The following P3H4 variants were observed in gnomAD, a reference collection of about 807,000 sequenced individuals.
P3H4 encodes prolyl 3-hydroxylase family member 4 (inactive), also known as endoplasmic reticulum protein SC65.
P3H4 carries 47 observed loss-of-function variants against 52.9 expected under a neutral mutation model. The ratio of observed to expected loss-of-function variants is 0.89; its 90% CI spans 0.70 to 1.13. The LOEUF is 1.13. Among genes scored for constraint, P3H4 ranks in the 50% most tolerant of loss-of-function variants. The pLI is 0.00. For missense variants in P3H4, 585 were observed against 611.0 expected (o/e 0.96, Z 0.45); for synonymous variants, 256 against 267.9 (o/e 0.96, Z 0.44).
Position 41,803,354 on chromosome 17 carries a change from G to T in P3H4, c.1224C>A (p.Asp408Glu). The T allele has an allele frequency of 6.2e-7, 1 of 1,614,048 alleles. No homozygotes were observed. The highest frequency in any genetic ancestry group is 8.5e-7 in the Non-Finnish European group (1 of 1,179,988). The change falls in exon 7 of 8, where the codon GAC becomes GAA. Residue 408 changes from aspartate to glutamate, a missense_variant. By Grantham distance (45) the Asp-to-Glu change is conservative. Coordinates refer to ENST00000393928, the MANE Select transcript of P3H4 (RefSeq NM_006455.3). The stretch of plus-strand genomic sequence containing the variant: ...AGTCAGCATACATGCCCTCCTCGTA[G>T]TCACCCTCCCCCTCAAACTCGGCGT... ...LSDAEFEGEG[D>E]YEEGMYADWW...
chr17:41,811,430 C>T lies in P3H4; in HGVS notation c.462+24G>A. ...CCACGACGCCCAGCCCGAGACAGGT[C>T]CCCGGGTGGGGGCGGGCTCCCACCT... On this transcript the variant is annotated intron_variant, in intron 1 of 7. Transcript: ENST00000393928. This position sits in a 1 kb window ranked among gnomAD's most constrained non-coding sequence, Gnocchi z 4.8. The T allele has an allele frequency of 6.2e-7, 1 of 1,610,600 alleles. No individual in the cohort carries two copies. The highest frequency in any genetic ancestry group is 8.5e-7 in the Non-Finnish European group (1 of 1,178,552).
intron 3 of P3H4, 170 bp downstream of exon 3, chr17:41,810,693 T>A: frequency 1.4e-6 from 1 of 735,280 alleles, no homozygotes; most frequent in East Asian, 2.7e-5. Context: ...TCCAGCCCCT[T>A]GGACACTCCC....
Position 41,802,859 on chromosome 17 carries a change from A to C in P3H4, c.*98T>G, listed in dbSNP as rs546609027. The C allele has an allele frequency of 1.3e-5, 17 of 1,335,518 alleles. No individual in the cohort carries two copies. The Middle Eastern group carries it at 5.5e-4, about 43-fold the overall frequency. The allele number at this position is 1,335,518 out of a possible 1,614,324, so 82.7% of individuals were successfully genotyped here. A position where few individuals can be genotyped will look rare whatever the true frequency, so the allele number is the denominator to read the frequency against. On this transcript the variant is annotated 3_prime_UTR_variant, in exon 8 of 8. Coordinates refer to ENST00000393928, the MANE Select transcript of P3H4 (RefSeq NM_006455.3). ...GAGCCACCGCACCTGGCCCATCTTAAGTTTTTAATAAATAGTTCTTGCTGC... is the reference window on the plus strand; with the variant it reads ...GAGCCACCGCACCTGGCCCATCTTACGTTTTTAATAAATAGTTCTTGCTGC...
chr17:41,811,346 G>A lies in P3H4; in HGVS notation c.463-62C>T, dbSNP rs2047734293. 15 of 1,606,564 alleles carry A rather than the reference G, an allele frequency of 9.3e-6. No individual in the cohort carries two copies. Among genetic ancestry groups the A allele is most frequent in the Middle Eastern group, 1.7e-4 (1 of 5,892 alleles). ...AAGACCGGAGCTCGCGGCCCCGAGCGCACGGCGGGCTTCGTGCCTTGGGTG... is the reference window on the plus strand; with the variant it reads ...AAGACCGGAGCTCGCGGCCCCGAGCACACGGCGGGCTTCGTGCCTTGGGTG... On this transcript the variant is annotated intron_variant, in intron 1 of 7. Transcript: ENST00000393928. The surrounding 1 kb of genome is among the most constrained non-coding windows in gnomAD (Gnocchi z 4.8).
At chr17:41,807,033 C>T in intron 5 of P3H4, 154 bp from the exon 6 acceptor site, 2 of 615,976 alleles carry the variant, frequency 3.2e-6, no homozygotes, top group South Asian at 1.9e-5. Flanking sequence ...ATCATCGTGG[C>T]TGCTTGGAAC....
chr17:41,802,821 G>T lies in P3H4; in HGVS notation c.*136C>A. On this transcript the variant is annotated 3_prime_UTR_variant, in exon 8 of 8. Transcript: ENST00000393928. ...CCCACCTTGGCCTCCCAAAATGCTG[G>T]GATTACAGGTGTGAGCCACCGCACC... The T allele has an allele frequency of 1.1e-6, 1 of 889,490 alleles. No homozygotes were observed. 55.1% of individuals were successfully genotyped at this position (889,490 alleles called of 1,614,324 possible).
At chr17:41,808,908 C>T (rs1235727417) in intron 4 of P3H4, among the ~76,000 whole-genome samples, 2 of 152,148 alleles carry the variant, frequency 1.3e-5, no homozygotes, top group Non-Finnish European at 2.9e-5. Flanking sequence ...TTGGCATCTC[C>T]GAGCTGCAGG....
At position 41,811,569 on chromosome 17, in the gene P3H4, A is replaced by T; in HGVS notation, c.347T>A (p.Leu116Gln). The T allele has an allele frequency of 6.2e-7, 1 of 1,604,766 alleles. No homozygotes were observed. Residue 116 changes from leucine to glutamine, a missense_variant, in exon 1 of 8, where the codon CTG becomes CAG. Leu to Gln is a moderately radical substitution (Grantham distance 113). Coordinates refer to ENST00000393928, the MANE Select transcript of P3H4 (RefSeq NM_006455.3). The surrounding 1 kb of genome is among the most constrained non-coding windows in gnomAD (Gnocchi z 4.8). ...FGRVLERAAC[L>Q]RRCKRTLPAF... Reference sequence around the variant, plus strand: ...GGGCAGCGTCCGCTTGCAGCGCCGCAGGCAGGCGGCTCGCTCCAGGACGCG... The same window carrying T: ...GGGCAGCGTCCGCTTGCAGCGCCGCTGGCAGGCGGCTCGCTCCAGGACGCG...
chr17:41,807,832 G>GCT, intron 5 of P3H4, 27 bp downstream of exon 5: 1 of 1,604,640 alleles, frequency 6.2e-7, no homozygotes, highest in Non-Finnish European at 8.5e-7. Context: ...TGCATATCCA[G>GCT]CAAGTGCCCC....
At chr17:41,809,669 C>G in intron 4 of P3H4, 37 bp downstream of exon 4, 2 of 1,605,274 alleles carry the variant, frequency 1.2e-6, no homozygotes, top group African/African-American at 2.7e-5. Flanking sequence ...CTTATCACCT[C>G]GTCCCCTGCC....
Position 41,811,517 on chromosome 17 carries a change from C to T in P3H4, c.399G>A (p.Arg133=). Residue 133 remains arginine (R), a synonymous_variant, in exon 1 of 8, where the codon CGG becomes CGA. Transcript: ENST00000393928. The surrounding 1 kb of genome is among the most constrained non-coding windows in gnomAD (Gnocchi z 4.8). ...GGCTCTGGAAGTCACGCAGCAGCTG[C>T]CGCGGCGGGTAGGGCACCTGGAAGG... ...LPAFQVPYPP[R]QLLRDFQSRL... The T allele has an allele frequency of 6.2e-7, 1 of 1,611,766 alleles. No individual in the cohort carries two copies. Among genetic ancestry groups the T allele is most frequent in the Non-Finnish European group, 8.5e-7 (1 of 1,179,596 alleles).
intron 4 of P3H4, 62 bp from the exon 5 acceptor site, chr17:41,808,066 T>C (rs560398861): frequency 6.4e-7 from 1 of 1,562,590 alleles, no homozygotes; most frequent in South Asian, 1.2e-5. Flanking sequence ...AACTCCATCT[T>C]CCAGTTCAGT....
rs1555613749 is a variant in P3H4 at position 41,803,330 on chromosome 17, G to C, written c.1248C>G (p.Asp416Glu). Residue 416 changes from aspartate to glutamate, a missense_variant, in exon 7 of 8, where the codon GAC (aspartate) becomes GAG (glutamate). Asp to Glu is a conservative substitution (Grantham distance 45, BLOSUM62 2). Coordinates refer to ENST00000393928, the MANE Select transcript of P3H4 (RefSeq NM_006455.3). ...CCTTGGCATCCGGCTCCTGCCACCA[G>C]TCAGCATACATGCCCTCCTCGTAGT... ...EGDYEEGMYA[D>E]WWQEPDAKGD... The C allele has an allele frequency of 6.2e-7, 1 of 1,614,026 alleles. No homozygotes were observed. The highest frequency in any genetic ancestry group is 8.5e-7 in the Non-Finnish European group (1 of 1,179,978).
At chr17:41,810,589 C>T in intron 3 of P3H4, 2 of 447,758 alleles carry the variant, frequency 4.5e-6, no homozygotes, top group Admixed American at 7.5e-5. Flanking sequence ...CTTCTCACCG[C>T]TGCACCTTTG....
chr17:41,807,797 C>T lies in P3H4; in HGVS notation c.1062+62G>A, dbSNP rs1028260555. The T allele has an allele frequency of 2.1e-5, 33 of 1,560,952 alleles. No individual in the cohort carries two copies. In the Admixed American group the frequency reaches 3.7e-4, roughly 18 times the overall value. ...ACAGGCATGAGCCACCGCGCCCGGCCGCCAGGAGTTCATTTTTTACAAAGT... is the reference window on the plus strand; with the variant it reads ...ACAGGCATGAGCCACCGCGCCCGGCTGCCAGGAGTTCATTTTTTACAAAGT... On this transcript the variant is annotated intron_variant, in intron 5 of 7. Coordinates refer to ENST00000393928, the MANE Select transcript of P3H4 (RefSeq NM_006455.3).
chr17:41,803,316 G>A lies in P3H4; in HGVS notation c.1262C>T (p.Pro421Leu), dbSNP rs782559891. 5.6e-6 allele frequency: 9 copies of A among 1,613,818 alleles called. No homozygotes were observed. Among genetic ancestry groups the A allele is most frequent in the Admixed American group, 5.0e-5 (3 of 59,992 alleles). Residue 421 changes from proline to leucine, a missense_variant, in exon 7 of 8, where the codon CCG (proline) becomes CTG (leucine). Coordinates refer to ENST00000393928, the MANE Select transcript of P3H4 (RefSeq NM_006455.3). ...EGMYADWWQEPDAKGDEAEAE... is the reference protein window; with the variant it reads ...EGMYADWWQELDAKGDEAEAE... ...CTCGGCCTCGTCACCCTTGGCATCC[G>A]GCTCCTGCCACCAGTCAGCATACAT...
At chr17:41,810,672 C>T in intron 3 of P3H4, 191 bp downstream of exon 3, 1 of 631,516 alleles carries the variant, frequency 1.6e-6, no homozygotes, top group Non-Finnish European at 2.7e-6. Context: ...GTCACTGCCT[C>T]TACTCACTGA....
intron 6 of P3H4, among the ~76,000 whole-genome samples, chr17:41,804,681 T>C (rs1228656141): frequency 6.6e-6 from 1 of 151,060 alleles, no homozygotes; most frequent in Non-Finnish European, 1.5e-5. Context: ...TTTACATACT[T>C]GATCTCAGCC....
At position 41,802,059 on chromosome 17, in the gene P3H4, G is replaced by A. The variant is rs542844126; in HGVS notation, c.*898C>T. The A allele has an allele frequency of 6.6e-6, 1 of 152,520 alleles. No individual in the cohort carries two copies. Among genetic ancestry groups the A allele is most frequent in the Admixed American group, 6.5e-5 (1 of 15,292 alleles). 9.4% of individuals were successfully genotyped at this position (152,520 alleles called of 1,614,324 possible). A position where few individuals can be genotyped will look rare whatever the true frequency, so the allele number is the denominator to read the frequency against. ...ACCCTGGAGGACCCTCTGCAATTTG[G>A]CCTGAGACTCCAGCCAGCAGCTGGA... On this transcript the variant is annotated 3_prime_UTR_variant, in exon 8 of 8. Coordinates refer to ENST00000393928, the MANE Select transcript of P3H4 (RefSeq NM_006455.3).
Sources: allele counts gnomAD v4.1 joint callset (sites outside exome capture counted in the v4.1 genomes callset), GRCh38; gene constraint gnomAD v4.1.1; non-coding constraint Gnocchi (gnomAD v3.1); transcripts MANE v1.5; gene names NCBI Gene and HGNC (gene_info 2026-07-23, HGNC 2026-07-21).